The following CAPN2 variants were observed in gnomAD, a reference collection of about 807,000 sequenced individuals.
CAPN2 encodes the protein calpain 2, also known as calpain-2 catalytic subunit.
In CAPN2, 92 loss-of-function variants were observed where a neutral mutation model predicts 102.3. The observed-to-expected ratio is 0.90, with a 90% CI of 0.76 to 1.07. The LOEUF is 1.07. CAPN2 is among the 50% of genes least tolerant of loss of function. The probability of loss-of-function intolerance (pLI) is 0.00; values close to 1 mark genes in which losing one functional copy is unlikely to be tolerated. For synonymous variants in CAPN2, 340 were observed against 355.4 expected (o/e 0.96, Z 0.49); for missense variants, 800 against 909.4 (o/e 0.88, Z 1.55).
chr1:223,715,859 C>A (rs1659861716), intron 1 of CAPN2, among the ~76,000 whole-genome samples: 1 of 152,194 alleles, frequency 6.6e-6, no homozygotes, highest in South Asian at 2.1e-4. Flanking sequence ...TCATCAACTT[C>A]TTCAACAGTA....
chr1:223,770,193 C>T (rs1468152649), intron 17 of CAPN2: 2 of 577,050 alleles, frequency 3.5e-6, no homozygotes, highest in African/African-American at 3.7e-5. Context: ...AGCTAAAGTA[C>T]AAAAATTATA....
chr1:223,755,728 C>T lies in CAPN2; in HGVS notation c.1305+79C>T. On this transcript the variant is annotated intron_variant, in intron 10 of 20. Coordinates refer to ENST00000295006, the MANE Select transcript of CAPN2 (RefSeq NM_001748.5). This position sits in a 1 kb window ranked among gnomAD's most constrained non-coding sequence, Gnocchi z 4.1. The stretch of plus-strand genomic sequence containing the variant: ...CTGCATGGAAAGCTGACCCCAGAGG[C>T]AGAACTGGGGATGGGATCCCAGACC... The T allele has an allele frequency of 7.5e-7, 1 of 1,341,674 alleles. No individual in the cohort carries two copies. The highest frequency in any genetic ancestry group is 1.5e-5 in the African/African-American group (1 of 67,324). The allele number at this position is 1,341,674 out of a possible 1,614,324, so 83.1% of individuals were successfully genotyped here.
rs1283222101 is a variant in CAPN2 at position 223,775,005 on chromosome 1, CAA to C, written c.*149_*150del. ...TCATAGCTGAAAATAATGATACTGT[CAA>C]TTTGAGATAGCAGAAGTTTCACACA... On this transcript the variant is annotated 3_prime_UTR_variant, in exon 21 of 21. Coordinates refer to ENST00000295006, the MANE Select transcript of CAPN2 (RefSeq NM_001748.5). The C allele has an allele frequency of 2.9e-6, 2 of 693,128 alleles. No individual in the cohort carries two copies. The highest frequency in any genetic ancestry group is 2.6e-5 in the East Asian group (1 of 39,160). The allele number at this position is 693,128 out of a possible 1,614,324, so 42.9% of individuals were successfully genotyped here. A position where few individuals can be genotyped will look rare whatever the true frequency, so the allele number is the denominator to read the frequency against.
At chr1:223,746,769 C>T (rs1009606342) in intron 4 of CAPN2, among the ~76,000 whole-genome samples, 11 of 152,134 alleles carry the variant, frequency 7.2e-5, no homozygotes, top group South Asian at 2.1e-4. Flanking sequence ...CATGAGCTAC[C>T]GCGCCCGGCC....
At chr1:223,717,702 T>C in intron 1 of CAPN2, 60 bp from the exon 2 acceptor site, 1 of 1,359,822 alleles carries the variant, frequency 7.4e-7, no homozygotes, top group Middle Eastern at 1.8e-4. Flanking sequence ...AATGGAGGCA[T>C]CCTAGCTGCA....
rs1661045778 is a variant in CAPN2 at position 223,756,733 on chromosome 1, C to CTAAAA, written c.1306-632_1306-631insATAAA. ...ATCAGTTGTAAAAATGCACATAGGCCTAAACCCCTCCGTCTCTGAAACAGG... is the reference window on the plus strand; with the variant it reads ...ATCAGTTGTAAAAATGCACATAGGCCTAAAATAAACCCCTCCGTCTCTGAAACAGG... On this transcript the variant is annotated intron_variant, in intron 10 of 20. Transcript: ENST00000295006. This position sits in a 1 kb window ranked among gnomAD's most constrained non-coding sequence, Gnocchi z 4.1. 6.6e-6 allele frequency among the ~76,000 whole-genome samples: 1 copy of CTAAAA among 152,200 alleles called. No homozygotes were observed. Among genetic ancestry groups the CTAAAA allele is most frequent in the African/African-American group, 2.4e-5 (1 of 41,448 alleles).
chr1:223,716,166 C>T lies in CAPN2; in HGVS notation c.238-1596C>T, dbSNP rs150546506. ...AATTCGATGCCCTACATGCCGTGCACAAGTTTCAGTTTTCTGAAGCATCGC... is the reference window on the plus strand; with the variant it reads ...AATTCGATGCCCTACATGCCGTGCATAAGTTTCAGTTTTCTGAAGCATCGC... On this transcript the variant is annotated intron_variant, in intron 1 of 20. Coordinates refer to ENST00000295006, the MANE Select transcript of CAPN2 (RefSeq NM_001748.5). Among the ~76,000 whole-genome samples, 352 of 152,322 alleles carry T rather than the reference C, an allele frequency of 2.3e-3. 2 individuals carry two copies. The highest frequency in any genetic ancestry group is 8.3e-3 in the African/African-American group (345 of 41,578).
At chr1:223,707,641 C>T (rs1259691122), upstream of CAPN2, among the ~76,000 whole-genome samples, 2 of 152,154 alleles carry the variant, frequency 1.3e-5, no homozygotes, top group Non-Finnish European at 2.9e-5. Flanking sequence ...GCCTAAAGCC[C>T]TTTGTAAGCA....
intron 1 of CAPN2, 111 bp from the exon 2 acceptor site, chr1:223,717,651 G>T (rs1659912309): frequency 1.2e-6 from 1 of 805,112 alleles, no homozygotes; most frequent in Non-Finnish European, 2.1e-6. Context: ...TTTCCCCAGA[G>T]GGGAGGGGAA....
At chr1:223,764,296 C>A in intron 15 of CAPN2, 89 bp downstream of exon 15, 1 of 1,114,036 alleles carries the variant, frequency 9.0e-7, no homozygotes, top group African/African-American at 1.5e-5. Context: ...CCATGTCTGG[C>A]TGCTGTGACT....
Position 223,712,668 on chromosome 1 carries a change from A to G in CAPN2, c.28A>G (p.Lys10Glu). 1 of 1,546,188 alleles carries G rather than the reference A, an allele frequency of 6.5e-7. No homozygotes were observed. Among genetic ancestry groups the G allele is most frequent in the Non-Finnish European group, 8.7e-7 (1 of 1,147,672 alleles). MAGIAAKLA[K>E]DREAAEGLGS... The stretch of plus-strand genomic sequence containing the variant: ...GGCGGGCATCGCGGCCAAGCTGGCG[A>G]AGGACCGGGAGGCGGCCGAGGGGCT... Residue 10 changes from lysine to glutamate, a missense_variant, in exon 1 of 21, where the codon AAG (lysine) becomes GAG (glutamate). Transcript: ENST00000295006.
At chr1:223,715,790 C>T (rs764419938) in intron 1 of CAPN2, among the ~76,000 whole-genome samples, 3 of 152,214 alleles carry the variant, frequency 2.0e-5, no homozygotes, top group Non-Finnish European at 4.4e-5. Flanking sequence ...TGCTTATCTT[C>T]AGCTGGCCGA....
chr1:223,766,317 G>T, intron 15 of CAPN2, 50 bp from the exon 16 acceptor site: 1 of 1,352,316 alleles, frequency 7.4e-7, no homozygotes, highest in South Asian at 1.2e-5. Flanking sequence ...AAGTTCAGTT[G>T]GACATCACCG....
intron 20 of CAPN2, 42 bp from the exon 21 acceptor site, chr1:223,774,792 A>C: frequency 6.2e-7 from 1 of 1,600,470 alleles, no homozygotes; most frequent in Non-Finnish European, 8.6e-7. Context: ...TTTAATTTTA[A>C]AAGTGGTCAC....
At chr1:223,711,195 C>T (rs1267457497), upstream of CAPN2, among the ~76,000 whole-genome samples, 6 of 152,146 alleles carry the variant, frequency 3.9e-5, 1 homozygote, top group Non-Finnish European at 4.4e-5. Context: ...GGGTAGGGGA[C>T]AAAACTGCCC....
rs1660914146 is a variant in CAPN2 at position 223,752,009 on chromosome 1, G to A, written c.912G>A (p.Trp304Ter). ...TGRWNDNCPS[W>*]NTIDPEERER... is the part of the protein sequence containing the mutation. ...CTTTGTTTTCCAGCTGCCCAAGCTG[G>A]AACACTATAGACCCAGAGGAGAGGG... Residue 304 changes from tryptophan to a stop codon, truncating the protein, a stop_gained, in exon 8 of 21, where the codon TGG becomes TGA. Transcript: ENST00000295006. LOFTEE classifies it high-confidence loss of function. 3.7e-6 allele frequency: 6 copies of A among 1,609,790 alleles called. No homozygotes were observed. The highest frequency in any genetic ancestry group is 1.1e-5 in the South Asian group (1 of 90,592).
intron 2 of CAPN2, among the ~76,000 whole-genome samples, chr1:223,734,363 G>A (rs1414819367): frequency 6.6e-6 from 1 of 152,012 alleles, no homozygotes; most frequent in Non-Finnish European, 1.5e-5. Flanking sequence ...ACAGCTCACT[G>A]CAAACTCCAC....
intron 15 of CAPN2, 43 bp from the exon 16 acceptor site, chr1:223,766,324 A>G: frequency 1.4e-6 from 2 of 1,458,854 alleles, no homozygotes; most frequent in South Asian, 2.3e-5. Flanking sequence ...GTTGGACATC[A>G]CCGCTCAGAG....
At chr1:223,719,541 A>T (rs1231641464) in intron 2 of CAPN2, among the ~76,000 whole-genome samples, 1 of 152,186 alleles carries the variant, frequency 6.6e-6, no homozygotes, top group Non-Finnish European at 1.5e-5. Flanking sequence ...CCCATCTCAA[A>T]AAAAAAGAGA....
Sources: gnomAD v4.1 joint callset for allele counts (sites outside exome capture counted in the v4.1 genomes callset) on GRCh38, gnomAD v4.1.1 for gene constraint, Gnocchi (gnomAD v3.1) non-coding constraint, MANE v1.5 for transcripts, NCBI Gene and HGNC (gene_info 2026-07-23, HGNC 2026-07-21) for gene names.